The following RIMS1 variants were observed in gnomAD, a reference collection of about 807,000 sequenced individuals.
The protein encoded by RIMS1 is regulating synaptic membrane exocytosis protein 1.
RIMS1 carries 83 observed loss-of-function variants against 214.1 expected under a neutral mutation model. That is an observed-to-expected ratio of 0.39 (90% CI 0.32 to 0.47). RIMS1 has a LOEUF of 0.47. Ranked by LOEUF, RIMS1 falls within the 20% of genes least tolerant of loss-of-function variation. RIMS1 has a pLI of 0.99. For synonymous variants in RIMS1, 793 were observed against 786.8 expected (o/e 1.01, Z -0.13); for missense variants, 2,050 against 2,161.8 (o/e 0.95, Z 1.03).
chr6:72,118,424 G>A (rs972899682), intron 4 of RIMS1, among the ~76,000 whole-genome samples: 10 of 151,258 alleles, frequency 6.6e-5, no homozygotes, highest in African/African-American at 1.4e-4. Flanking sequence ...CAATATTACC[G>A]AAACTATTCC....
At chr6:72,226,568 A>G (rs977105770) in intron 6 of RIMS1, among the ~76,000 whole-genome samples, 1 of 152,068 alleles carries the variant, frequency 6.6e-6, no homozygotes, top group Non-Finnish European at 1.5e-5. Context: ...AAAATGAATT[A>G]CCGGAAGTTA....
chr6:72,381,487 G>A (rs527697761), intron 29 of RIMS1, among the ~76,000 whole-genome samples: 9 of 152,304 alleles, frequency 5.9e-5, no homozygotes, highest in African/African-American at 1.9e-4. Flanking sequence ...GATGTTTCCC[G>A]CTCTCTTATC....
chr6:72,126,643 A>T (rs2039559278), intron 4 of RIMS1: 2 of 248,450 alleles, frequency 8.0e-6, no homozygotes, highest in African/African-American at 4.6e-5. Flanking sequence ...TCTCAAAAGA[A>T]GATATACAAG....
At chr6:72,150,321 T>C (rs752254730) in intron 4 of RIMS1, among the ~76,000 whole-genome samples, 7 of 152,102 alleles carry the variant, frequency 4.6e-5, no homozygotes, top group African/African-American at 7.2e-5. Flanking sequence ...AAGCACCAAA[T>C]GGGAAGAGAG....
At chr6:72,133,827 C>T (rs2040845231) in intron 4 of RIMS1, among the ~76,000 whole-genome samples, 3 of 152,112 alleles carry the variant, frequency 2.0e-5, no homozygotes, top group African/African-American at 7.2e-5. Context: ...CAAAATCTTT[C>T]CTTTGTCATC....
intron 2 of RIMS1, among the ~76,000 whole-genome samples, chr6:72,035,373 G>T (rs2152041250): frequency 6.6e-6 from 1 of 152,256 alleles, no homozygotes; most frequent in South Asian, 2.1e-4. Flanking sequence ...TTTAGATATA[G>T]ATTTTTAGTA....
intron 2 of RIMS1, among the ~76,000 whole-genome samples, chr6:72,093,773 G>A (rs1013549298): frequency 4.6e-5 from 7 of 151,136 alleles, no homozygotes; most frequent in Non-Finnish European, 7.4e-5. Context: ...TTCTCATTCC[G>A]TATTTTTTCC....
At chr6:71,963,595 C>A (rs1438005223) in intron 1 of RIMS1, among the ~76,000 whole-genome samples, 1 of 151,992 alleles carries the variant, frequency 6.6e-6, no homozygotes, top group Non-Finnish European at 1.5e-5. Context: ...TGGTTCAAAG[C>A]AGTAATTGGA....
chr6:71,954,350 T>C (rs146226627), intron 1 of RIMS1, among the ~76,000 whole-genome samples: 1,931 of 152,310 alleles, frequency 0.013, 53 homozygotes, highest in African/African-American at 0.044. Context: ...TAACAGGTAA[T>C]GCTTTTTTAA....
intron 16 of RIMS1, among the ~76,000 whole-genome samples, chr6:72,256,079 G>T (rs959458856): frequency 6.7e-6 from 1 of 150,346 alleles, no homozygotes; most frequent in Admixed American, 6.6e-5. Flanking sequence ...AAGATAGAGT[G>T]CATGTTGTCA....
intron 1 of RIMS1, among the ~76,000 whole-genome samples, chr6:71,892,044 A>C (rs1770057656): frequency 6.6e-6 from 1 of 152,054 alleles, no homozygotes; most frequent in Admixed American, 6.6e-5. Context: ...TGGTCCTGTG[A>C]GTTGGGTATT....
chr6:72,127,011 A>G (rs2039657200), intron 4 of RIMS1, among the ~76,000 whole-genome samples: 1 of 152,180 alleles, frequency 6.6e-6, no homozygotes, highest in Non-Finnish European at 1.5e-5. Context: ...AGTTTGCATA[A>G]TTTTGAGAAT....
At chr6:72,213,271 C>A in intron 6 of RIMS1, 1 of 1,466,304 alleles carries the variant, frequency 6.8e-7, no homozygotes, top group South Asian at 1.3e-5. Flanking sequence ...CCAGTTGTAC[C>A]TAAATCTATA....
At chr6:72,044,779 C>A (rs1822476099) in intron 2 of RIMS1, among the ~76,000 whole-genome samples, 1 of 151,794 alleles carries the variant, frequency 6.6e-6, no homozygotes, top group African/African-American at 2.4e-5. Flanking sequence ...TGGAAAGCTA[C>A]TTTGGAAAGC....
chr6:72,035,775 A>G (rs541223152), intron 2 of RIMS1, among the ~76,000 whole-genome samples: 157 of 152,266 alleles, frequency 1.0e-3, no homozygotes, highest in Admixed American at 1.9e-3. Context: ...GTAGGGGTTT[A>G]TACCAGCAAA....
chr6:72,370,314 A>G (rs768042583), intron 29 of RIMS1, among the ~76,000 whole-genome samples: 5 of 152,224 alleles, frequency 3.3e-5, no homozygotes, highest in Non-Finnish European at 7.3e-5. Flanking sequence ...TTCAAGACAC[A>G]GTAGATAATA....
At chr6:72,166,623 C>A (rs1375430498) in intron 4 of RIMS1, among the ~76,000 whole-genome samples, 1 of 151,648 alleles carries the variant, frequency 6.6e-6, no homozygotes, top group African/African-American at 2.4e-5. Context: ...CACCTGTAAT[C>A]CCAGAGATTT....
chr6:72,086,214 AGAC>A (rs1834622741), intron 2 of RIMS1, among the ~76,000 whole-genome samples: 1 of 152,182 alleles, frequency 6.6e-6, no homozygotes, highest in South Asian at 2.1e-4. Context: ...GCGTTGAAGG[AGAC>A]GACAAAGGCA....
intron 22 of RIMS1, among the ~76,000 whole-genome samples, chr6:72,271,286 A>AATATATATATATATAT (rs1222564699): frequency 3.7e-3 from 164 of 44,198 alleles, no homozygotes; most frequent in Middle Eastern, 0.02. Flanking sequence ...AAAAAAAAAA[A>AATATATATATATATAT]ATATATATAT....
Sources: allele counts gnomAD v4.1 joint callset (sites outside exome capture counted in the v4.1 genomes callset), GRCh38; gene constraint gnomAD v4.1.1; transcripts MANE v1.5; gene names NCBI Gene and HGNC (gene_info 2026-07-23, HGNC 2026-07-21).